The following MSI2 variants were observed in gnomAD, a reference collection of about 807,000 sequenced individuals.
MSI2 encodes the protein RNA-binding protein Musashi homolog 2.
Under a neutral mutation model 45.6 loss-of-function variants are expected in MSI2, and 17 were observed. That is an observed-to-expected ratio of 0.37 (90% CI 0.26 to 0.56). MSI2 has a LOEUF of 0.56. Among genes scored for constraint, MSI2 ranks in the 20% least tolerant of loss-of-function variants. The pLI is 0.77. For missense variants in MSI2, 293 were observed against 444.2 expected (o/e 0.66, Z 3.06); for synonymous variants, 156 against 158.2 (o/e 0.99, Z 0.11).
At chr17:57,539,186 T>C (rs1462467156) in intron 7 of MSI2, among the ~76,000 whole-genome samples, 4 of 114,482 alleles carry the variant, frequency 3.5e-5, no homozygotes, top group African/African-American at 1.7e-4. Context: ...CTTTTTGAAT[T>C]TTTTTTTTTT....
Position 57,627,481 on chromosome 17 carries a change from G to T in MSI2, c.727+178G>T. The T allele has an allele frequency of 4.7e-6, 3 of 635,414 alleles. No individual in the cohort carries two copies. Among genetic ancestry groups the T allele is most frequent in the Non-Finnish European group, 5.6e-6 (2 of 354,132 alleles). 39.4% of individuals were successfully genotyped at this position (635,414 alleles called of 1,614,324 possible). The stretch of plus-strand genomic sequence containing the variant: ...GGCCAGGATGCAGCTCAGAGTTTTT[G>T]ATTAACTCAGGTATAACTCACTGGT... On this transcript the variant is annotated intron_variant, in intron 10 of 13. Transcript: ENST00000284073. This position sits in a 1 kb window ranked among gnomAD's most constrained non-coding sequence, Gnocchi z 4.6.
chr17:57,613,329 G>GA (rs1026498021), intron 8 of MSI2, among the ~76,000 whole-genome samples: 1 of 152,158 alleles, frequency 6.6e-6, no homozygotes, highest in Non-Finnish European at 1.5e-5. Context: ...TGCAGTTAAA[G>GA]AAACCCATCA....
At chr17:57,548,381 T>C (rs1019873717) in intron 7 of MSI2, among the ~76,000 whole-genome samples, 2 of 152,022 alleles carry the variant, frequency 1.3e-5, no homozygotes, top group Non-Finnish European at 2.9e-5. Context: ...GGGGGCTTAA[T>C]TGGGGCGGAG....
intron 5 of MSI2, among the ~76,000 whole-genome samples, chr17:57,293,595 G>GTT (rs71139983): frequency 0.058 from 7,850 of 134,612 alleles, 428 homozygotes; most frequent in East Asian, 0.17. Context: ...TTGTTTTTTT[G>GTT]TTTTTTTTTT....
chr17:57,450,926 G>A (rs2085007426), intron 6 of MSI2, among the ~76,000 whole-genome samples: 1 of 152,122 alleles, frequency 6.6e-6, no homozygotes, highest in Non-Finnish European at 1.5e-5. Flanking sequence ...TTAGCTGGAG[G>A]AAGAGGGGAA....
intron 6 of MSI2, among the ~76,000 whole-genome samples, chr17:57,411,936 G>A (rs1042016557): frequency 2.6e-5 from 4 of 151,902 alleles, no homozygotes; most frequent in African/African-American, 9.7e-5. Context: ...GAACCTGGGA[G>A]GCAGAGGTTG....
downstream of MSI2, among the ~76,000 whole-genome samples, chr17:57,685,011 G>A (rs1913834047): frequency 6.6e-6 from 1 of 152,110 alleles, no homozygotes; most frequent in Non-Finnish European, 1.5e-5. Context: ...GGACCCAGAT[G>A]GTGGAAGGAG....
At position 57,616,040 on chromosome 17, in the gene MSI2, T is replaced by C; in HGVS notation, c.608T>C (p.Leu203Pro). 6.2e-7 allele frequency: 1 copy of C among 1,614,176 alleles called. No homozygotes were observed. Among genetic ancestry groups the C allele is most frequent in the Non-Finnish European group, 8.5e-7 (1 of 1,180,026 alleles). The change falls in exon 9 of 14, where the codon CTG becomes CCG. Residue 203 changes from leucine (L) to proline (P), a missense_variant. Transcript: ENST00000284073. ...PPGTRGRARGLPYTMDAFMLG... is the reference protein window; with the variant it reads ...PPGTRGRARGPPYTMDAFMLG... ...GGGACAAGAGGCCGGGCCCGGGGAC[T>C]GCCTTACACCATGGACGCGTTCATG...
intron 7 of MSI2, among the ~76,000 whole-genome samples, chr17:57,591,047 T>C (rs1904782840): frequency 6.6e-6 from 1 of 152,238 alleles, no homozygotes; most frequent in Non-Finnish European, 1.5e-5. Flanking sequence ...TGTCAGGGCC[T>C]GGAGCAGGAT....
intron 6 of MSI2, among the ~76,000 whole-genome samples, chr17:57,451,737 G>A (rs959897078): frequency 9.2e-5 from 14 of 152,216 alleles, no homozygotes; most frequent in African/African-American, 2.7e-4. Context: ...GCCACACTGC[G>A]ATTCAGGAAT....
chr17:57,637,017 A>C (rs1909888829), intron 10 of MSI2, among the ~76,000 whole-genome samples: 1 of 152,092 alleles, frequency 6.6e-6, no homozygotes, highest in Admixed American at 6.5e-5. Flanking sequence ...CAGCCCCCAC[A>C]CATCTGTCTC....
chr17:57,695,491 C>G, the MSI2 span, among the ~76,000 whole-genome samples: 2 of 152,176 alleles, frequency 1.3e-5, no homozygotes, highest in Non-Finnish European at 2.9e-5. Flanking sequence ...CAGGGCACAG[C>G]CCGATGCAGT....
chr17:57,412,022 G>A (rs905503881), intron 6 of MSI2, among the ~76,000 whole-genome samples: 1 of 151,896 alleles, frequency 6.6e-6, no homozygotes, highest in African/African-American at 2.4e-5. Context: ...GGGGCCGGGG[G>A]AAGAATTACT....
At chr17:57,555,797 ATGC>A (rs142370455) in intron 7 of MSI2, among the ~76,000 whole-genome samples, 1,555 of 152,354 alleles carry the variant, frequency 0.01, 30 homozygotes, top group African/African-American at 0.035. Flanking sequence ...ATGGCAACAG[ATGC>A]TGCAGCCCCT....
At chr17:57,296,913 C>G (rs554674118) in intron 5 of MSI2, among the ~76,000 whole-genome samples, 1 of 152,260 alleles carries the variant, frequency 6.6e-6, no homozygotes, top group South Asian at 2.1e-4. Context: ...CTCACTCTGT[C>G]GCCCAGGCTG....
chr17:57,370,338 G>C (rs75982971), intron 5 of MSI2, among the ~76,000 whole-genome samples: 110 of 152,326 alleles, frequency 7.2e-4, no homozygotes, highest in African/African-American at 2.6e-3. Flanking sequence ...AATCAGCAAA[G>C]AGTAGGATTA....
intron 7 of MSI2, among the ~76,000 whole-genome samples, chr17:57,558,995 G>A (rs2087508771): frequency 6.6e-6 from 1 of 152,172 alleles, no homozygotes; most frequent in Non-Finnish European, 1.5e-5. Flanking sequence ...CCAGGAGGCG[G>A]AGGTTGCAGT....
intron 7 of MSI2, among the ~76,000 whole-genome samples, chr17:57,571,148 A>G (rs2087866830): frequency 6.6e-6 from 1 of 152,092 alleles, no homozygotes; most frequent in Admixed American, 6.5e-5. Flanking sequence ...TGGTGGCTCT[A>G]ACTAGGAATC....
At chr17:57,261,802 C>G (rs1281185175) in intron 4 of MSI2, among the ~76,000 whole-genome samples, 1 of 152,114 alleles carries the variant, frequency 6.6e-6, no homozygotes, top group East Asian at 1.9e-4. Flanking sequence ...TCTTTTCTCC[C>G]AGCCACGCAT....
Sources: gnomAD v4.1 joint callset for allele counts (sites outside exome capture counted in the v4.1 genomes callset) on GRCh38, gnomAD v4.1.1 for gene constraint, Gnocchi (gnomAD v3.1) non-coding constraint, MANE v1.5 for transcripts, NCBI Gene and HGNC (gene_info 2026-07-23, HGNC 2026-07-21) for gene names.